The following TRIM24 variants were observed in gnomAD, a reference collection of about 807,000 sequenced individuals.
TRIM24 encodes the protein transcription intermediary factor 1-alpha.
Under a neutral mutation model 123.9 loss-of-function variants are expected in TRIM24, and 29 were observed. That is an observed-to-expected ratio of 0.23 (90% CI 0.17 to 0.32). TRIM24 has a LOEUF of 0.32. TRIM24 is among the 10% of genes least tolerant of loss of function. The pLI, the probability that TRIM24 is intolerant of heterozygous loss-of-function variation, is 1.00. For synonymous variants in TRIM24, 456 were observed against 461.1 expected (o/e 0.99, Z 0.14); for missense variants, 932 against 1,295.3 (o/e 0.72, Z 4.31).
intron 6 of TRIM24, among the ~76,000 whole-genome samples, chr7:138,531,649 G>T (rs1176454754): frequency 1.3e-5 from 2 of 152,072 alleles, no homozygotes; most frequent in Non-Finnish European, 2.9e-5. Context: ...CCAAGTTTGT[G>T]CTATTGTGAA....
chr7:138,561,748 G>T (rs1797432776), intron 9 of TRIM24, among the ~76,000 whole-genome samples: 2 of 152,176 alleles, frequency 1.3e-5, no homozygotes, highest in African/African-American at 4.8e-5. Flanking sequence ...TAGAAAGAAA[G>T]GCTTAGTTAG....
At chr7:138,504,650 C>G (rs143658286) in intron 2 of TRIM24, among the ~76,000 whole-genome samples, 1 of 151,536 alleles carries the variant, frequency 6.6e-6, no homozygotes, top group South Asian at 2.1e-4. Flanking sequence ...TTAGTAGAGA[C>G]GGGGTTTCAC....
At chr7:138,498,682 G>A (rs1236274632) in intron 1 of TRIM24, among the ~76,000 whole-genome samples, 1 of 151,276 alleles carries the variant, frequency 6.6e-6, no homozygotes, top group Non-Finnish European at 1.5e-5. Context: ...GTTTTGCCCA[G>A]GCTGGAGTGC....
chr7:138,508,682 T>TGCGCGCGC (rs1200648763), intron 2 of TRIM24, among the ~76,000 whole-genome samples: 1 of 47,120 alleles, frequency 2.1e-5, no homozygotes, highest in Non-Finnish European at 4.6e-5. Flanking sequence ...TGTGTGTGTG[T>TGCGCGCGC]GTGTGTGTGT....
intron 1 of TRIM24, among the ~76,000 whole-genome samples, chr7:138,467,282 T>C (rs1461350081): frequency 1.3e-5 from 2 of 152,224 alleles, no homozygotes; most frequent in Non-Finnish European, 1.5e-5. Context: ...ATGGTTTTGA[T>C]TGGAATTACA....
chr7:138,490,681 C>G (rs965949907), intron 1 of TRIM24: 1 of 411,584 alleles, frequency 2.4e-6, no homozygotes, highest in African/African-American at 2.1e-5. Flanking sequence ...CTGTGAAGCT[C>G]CATGAGTTTT....
At chr7:138,525,192 T>G (rs760868856) in intron 4 of TRIM24, 49 bp from the exon 5 acceptor site, 1 of 863,636 alleles carries the variant, frequency 1.2e-6, no homozygotes, top group Admixed American at 3.1e-5. Flanking sequence ...TTCTTGGACT[T>G]TTTCCTCATT....
chr7:138,544,113 C>G lies in TRIM24; in HGVS notation c.1143+5310C>G, dbSNP rs1184869363. Reference sequence around the variant, plus strand: ...AGTGTTATTAACTGTAGTTCTTACTCTGTACATTAAATCTCAATGCTTATT... The same window carrying G: ...AGTGTTATTAACTGTAGTTCTTACTGTGTACATTAAATCTCAATGCTTATT... On this transcript the variant is annotated intron_variant, in intron 7 of 18. Coordinates refer to ENST00000343526, the MANE Select transcript of TRIM24 (RefSeq NM_015905.3). 3.3e-5 allele frequency among the ~76,000 whole-genome samples: 5 copies of G among 152,270 alleles called. No individual in the cohort carries two copies. The East Asian group carries it at 9.6e-4, about 29-fold the overall frequency.
intron 14 of TRIM24, 151 bp downstream of exon 14, chr7:138,577,739 A>G: frequency 1.4e-6 from 1 of 695,630 alleles, no homozygotes; most frequent in Non-Finnish European, 2.1e-6. Context: ...AAACAAAAAG[A>G]CAAAGATGGA....
intron 9 of TRIM24, among the ~76,000 whole-genome samples, chr7:138,566,488 C>CA (rs1297592519): frequency 1.3e-5 from 2 of 151,976 alleles, no homozygotes; most frequent in Non-Finnish European, 2.9e-5. Flanking sequence ...GACTCCATCT[C>CA]AAAAAACAAA....
chr7:138,546,196 C>T (rs145363055), intron 7 of TRIM24, among the ~76,000 whole-genome samples: 532 of 152,208 alleles, frequency 3.5e-3, no homozygotes, highest in African/African-American at 0.012. Flanking sequence ...AGTTGACATC[C>T]TACGTTTCCT....
At chr7:138,562,836 G>A (rs1271482743) in intron 9 of TRIM24, among the ~76,000 whole-genome samples, 1 of 152,152 alleles carries the variant, frequency 6.6e-6, no homozygotes, top group African/African-American at 2.4e-5. Context: ...TTAACACCAT[G>A]GCCTTTGGGT....
intron 8 of TRIM24, among the ~76,000 whole-genome samples, chr7:138,553,447 T>C (rs987971645): frequency 6.6e-6 from 1 of 152,178 alleles, no homozygotes. Flanking sequence ...TTACACACAG[T>C]AAACATTTAA....
chr7:138,490,109 A>G (rs62487617), intron 1 of TRIM24, among the ~76,000 whole-genome samples: 1 of 152,000 alleles, frequency 6.6e-6, no homozygotes, highest in Non-Finnish European at 1.5e-5. Context: ...TTTGATCTTC[A>G]ATCACTGATA....
intron 1 of TRIM24, among the ~76,000 whole-genome samples, chr7:138,477,059 C>G (rs973142263): frequency 2.0e-5 from 3 of 151,722 alleles, no homozygotes; most frequent in African/African-American, 7.3e-5. Context: ...CTTTGTGTCT[C>G]TGTGTGTGTG....
chr7:138,557,888 A>AT (rs1563059202), intron 9 of TRIM24, among the ~76,000 whole-genome samples: 6 of 152,240 alleles, frequency 3.9e-5, no homozygotes, highest in African/African-American at 7.2e-5. Flanking sequence ...ATAGAGGTAC[A>AT]GTATCCATAC....
At chr7:138,556,514 T>G (rs1444186368) in intron 9 of TRIM24, 1 of 152,240 alleles carries the variant, frequency 6.6e-6, no homozygotes, top group Non-Finnish European at 1.5e-5. Context: ...TGCTTCAACC[T>G]TAAAAGATTA....
intron 17 of TRIM24, 72 bp downstream of exon 17, chr7:138,581,843 T>TTA (rs1797901272): frequency 4.3e-6 from 5 of 1,174,198 alleles, no homozygotes; most frequent in South Asian, 1.3e-5. Flanking sequence ...AGAATCTAGC[T>TTA]TATATTACCA....
chr7:138,492,700 A>G (rs1225429523), intron 1 of TRIM24, among the ~76,000 whole-genome samples: 1 of 152,232 alleles, frequency 6.6e-6, no homozygotes, highest in African/African-American at 2.4e-5. Context: ...AAAATAAGCC[A>G]TCCCTTAGAC....
Sources: allele counts gnomAD v4.1 joint callset (sites outside exome capture counted in the v4.1 genomes callset), GRCh38; gene constraint gnomAD v4.1.1; transcripts MANE v1.5; gene names NCBI Gene and HGNC (gene_info 2026-07-23, HGNC 2026-07-21).